EPM2A: variants seen among roughly 807,000 people sequenced by gnomAD.
EPM2A encodes EPM2A glucan phosphatase, laforin, also known as laforin.
In EPM2A, 21 loss-of-function variants were observed where a neutral mutation model predicts 26.5. The ratio of observed to expected loss-of-function variants is 0.79; its 90% CI spans 0.56 to 1.14. The LOEUF (loss-of-function observed/expected upper bound fraction) is 1.14. EPM2A is among the 50% of genes most tolerant of loss of function. The pLI is 0.00. For synonymous variants in EPM2A, 217 were observed against 177.6 expected (o/e 1.22, Z -1.76); for missense variants, 458 against 440.8 (o/e 1.04, Z -0.35).
chr6:145,384,659 T>A lies in EPM2A; in HGVS notation c.556-562A>T. Among the ~76,000 whole-genome samples, 2 of 147,044 alleles carry A rather than the reference T, an allele frequency of 1.4e-5. 1 individual carries two copies. Among genetic ancestry groups the A allele is most frequent in the Non-Finnish European group, 3.0e-5 (2 of 66,738 alleles). On this transcript the variant is annotated intron_variant, in intron 4 of 4. Coordinates refer to the EPM2A transcript ENST00000638717. The stretch of plus-strand genomic sequence containing the variant: ...GTAGTTCCTGGGGAGTGCTGCCAGC[T>A]GACACTAGTGGCACTCCCAGCAGCT...
chr6:145,500,998 T>C (rs975671175), downstream of EPM2A, among the ~76,000 whole-genome samples: 25 of 152,214 alleles, frequency 1.6e-4, no homozygotes, highest in Admixed American at 1.3e-4. Flanking sequence ...TTAAAGGAGC[T>C]TTATTCCATG....
At chr6:145,611,997 C>T (rs1282339153) in intron 2 of EPM2A, among the ~76,000 whole-genome samples, 1 of 152,118 alleles carries the variant, frequency 6.6e-6, no homozygotes, top group East Asian at 1.9e-4. Context: ...GGACATTTTA[C>T]AGATGTGAGA....
intron 2 of EPM2A, chr6:145,637,753 G>A (rs1020591106): frequency 5.3e-5 from 8 of 152,194 alleles, no homozygotes; most frequent in African/African-American, 1.7e-4. Flanking sequence ...ATCAGGACCT[G>A]GATAGCTGAG....
intron 1 of EPM2A, chr6:145,721,521 CA>C (rs1339454219): frequency 6.6e-6 from 1 of 152,258 alleles, no homozygotes; most frequent in African/African-American, 2.4e-5. Context: ...AAGGCCCAGC[CA>C]GTCAGTCAAT....
intron 4 of EPM2A, among the ~76,000 whole-genome samples, chr6:145,420,940 A>C (rs1345716480): frequency 6.6e-6 from 1 of 152,154 alleles, no homozygotes; most frequent in Non-Finnish European, 1.5e-5. Context: ...ACTAAATGGC[A>C]TTAATCCATT....
chr6:145,674,980 T>C (rs533142437), intron 2 of EPM2A, among the ~76,000 whole-genome samples: 2 of 152,132 alleles, frequency 1.3e-5, no homozygotes, highest in East Asian at 1.9e-4. Flanking sequence ...AGACACATAA[T>C]TGTCAGATTC....
intron 1 of EPM2A, among the ~76,000 whole-genome samples, chr6:145,718,132 T>C (rs1464362451): frequency 1.3e-5 from 2 of 152,072 alleles, no homozygotes; most frequent in Admixed American, 6.6e-5. Flanking sequence ...AAAGTTCATA[T>C]GGAACCAAAA....
At chr6:145,419,088 G>A (rs917647579) in intron 4 of EPM2A, among the ~76,000 whole-genome samples, 1 of 152,010 alleles carries the variant, frequency 6.6e-6, no homozygotes, top group African/African-American at 2.4e-5. Flanking sequence ...CCTGCAGAAT[G>A]AGGATTCTCA....
chr6:145,627,477 CG>C lies in EPM2A; in HGVS notation c.934del (p.Arg312GlyfsTer38). On this transcript the variant is annotated frameshift_variant, in exon 4 of 4. Transcript: ENST00000367519. LOFTEE classifies it high-confidence loss of function. Reference sequence around the variant, plus strand: ...TTTCTGGAAAAAATCTTCTTGTGCCCGGGCCAAGGCCTCTTCGTCAATGTAG... The same window carrying C: ...TTTCTGGAAAAAATCTTCTTGTGCCCGGCCAAGGCCTCTTCGTCAATGTAG... Reference protein sequence around the residue: ...AVYIDEEALARAQEDFFQKFG... With the variant: ...AVYIDEEALAXAQEDFFQKFG... 3.1e-6 allele frequency: 5 copies of C among 1,614,230 alleles called. No individual in the cohort carries two copies. The highest frequency in any genetic ancestry group is 4.2e-6 in the Non-Finnish European group (5 of 1,180,044).
intron 2 of EPM2A, chr6:145,641,369 A>C (rs1294718014): frequency 6.6e-6 from 1 of 152,256 alleles, no homozygotes; most frequent in Non-Finnish European, 1.5e-5. Flanking sequence ...GACAATGTGA[A>C]GATACAGGGA....
intron 2 of EPM2A, among the ~76,000 whole-genome samples, chr6:145,608,410 A>C (rs1052171402): frequency 6.6e-6 from 1 of 152,230 alleles, no homozygotes; most frequent in Non-Finnish European, 1.5e-5. Flanking sequence ...AAACTATTTC[A>C]TTAATTCCCC....
At chr6:145,622,746 C>A (rs947157194), downstream of EPM2A, among the ~76,000 whole-genome samples, 1 of 152,158 alleles carries the variant, frequency 6.6e-6, no homozygotes, top group African/African-American at 2.4e-5. Context: ...GAGGAACTGG[C>A]GCTGCTCACC....
intron 2 of EPM2A, among the ~76,000 whole-genome samples, chr6:145,673,498 G>A (rs1779802336): frequency 6.6e-6 from 1 of 152,200 alleles, no homozygotes; most frequent in African/African-American, 2.4e-5. Flanking sequence ...AGTGCAAGGG[G>A]TAGGGGGATT....
At chr6:145,539,093 TATG>T (rs1029497755) in intron 2 of EPM2A, among the ~76,000 whole-genome samples, 1 of 152,190 alleles carries the variant, frequency 6.6e-6, no homozygotes, top group Admixed American at 6.5e-5. Flanking sequence ...TACACTGCAT[TATG>T]ATAATACAAG....
At chr6:145,419,074 T>C (rs1778746020) in intron 4 of EPM2A, among the ~76,000 whole-genome samples, 1 of 152,102 alleles carries the variant, frequency 6.6e-6, no homozygotes, top group African/African-American at 2.4e-5. Context: ...CCCACGTGAC[T>C]TTACCTGCAG....
At chr6:145,391,237 A>G (rs1267878371) in intron 4 of EPM2A, among the ~76,000 whole-genome samples, 1 of 152,054 alleles carries the variant, frequency 6.6e-6, no homozygotes, top group African/African-American at 2.4e-5. Context: ...GCTTTTTTTG[A>G]AAGACATGTT....
At chr6:145,664,983 A>G (rs1359012023) in intron 2 of EPM2A, among the ~76,000 whole-genome samples, 1 of 121,574 alleles carries the variant, frequency 8.2e-6, no homozygotes, top group African/African-American at 3.2e-5. Context: ...AAGACACAAC[A>G]TACCAGAATC....
chr6:145,619,230 T>C (rs904015705), intron 2 of EPM2A, among the ~76,000 whole-genome samples: 4 of 152,146 alleles, frequency 2.6e-5, no homozygotes, highest in African/African-American at 7.2e-5. Context: ...AATTGATATA[T>C]AAGCCTTGTA....
intron 4 of EPM2A, among the ~76,000 whole-genome samples, chr6:145,456,172 C>A (rs903092924): frequency 6.6e-6 from 1 of 152,042 alleles, no homozygotes; most frequent in Non-Finnish European, 1.5e-5. Flanking sequence ...GGTAGAAGAC[C>A]TTGAGGTGAA....
Sources: gnomAD v4.1 joint callset for allele counts (sites outside exome capture counted in the v4.1 genomes callset) on GRCh38, gnomAD v4.1.1 for gene constraint, MANE v1.5 for transcripts, NCBI Gene and HGNC (gene_info 2026-07-23, HGNC 2026-07-21) for gene names.